DISC1: variants seen among roughly 807,000 people sequenced by gnomAD.
The protein encoded by DISC1 is DISC1 scaffold protein.
In DISC1, 57 loss-of-function variants were observed where a neutral mutation model predicts 84.5. That is an observed-to-expected ratio of 0.67 (90% CI 0.55 to 0.84). The LOEUF (loss-of-function observed/expected upper bound fraction) is 0.84. Among genes scored for constraint, DISC1 ranks in the 40% least tolerant of loss-of-function variants. The pLI is 0.00. For synonymous variants in DISC1, 411 were observed against 415.2 expected (o/e 0.99, Z 0.12); for missense variants, 1,000 against 1,057.8 (o/e 0.95, Z 0.76).
chr1:231,908,696 G>A (rs576681190), intron 9 of DISC1, among the ~76,000 whole-genome samples: 224 of 152,222 alleles, frequency 1.5e-3, no homozygotes, highest in African/African-American at 4.7e-3. Context: ...GTTTTTTCCA[G>A]TTCTGTGAAG....
At chr1:231,779,699 A>T (rs1347312280) in intron 6 of DISC1, among the ~76,000 whole-genome samples, 1 of 151,848 alleles carries the variant, frequency 6.6e-6, no homozygotes, top group Non-Finnish European at 1.5e-5. Flanking sequence ...AGCTGGGACT[A>T]CAGGCACCGG....
chr1:231,972,900 G>A (rs1355667686), intron 10 of DISC1, among the ~76,000 whole-genome samples: 1 of 152,156 alleles, frequency 6.6e-6, no homozygotes, highest in African/African-American at 2.4e-5. Context: ...TACCTATAGG[G>A]TACACGGGCC....
chr1:231,698,669 A>T lies in DISC1; in HGVS notation c.1048-3286A>T, dbSNP rs1015119878. Among the ~76,000 whole-genome samples the T allele has an allele frequency of 6.6e-6, 1 of 151,876 alleles. No homozygotes were observed. The highest frequency in any genetic ancestry group is 1.9e-4 in the East Asian group (1 of 5,188). On this transcript the variant is annotated intron_variant, in intron 2 of 12. Coordinates refer to ENST00000439617, the MANE Select transcript of DISC1 (RefSeq NM_018662.3). This position sits in a 1 kb window ranked among gnomAD's most constrained non-coding sequence, Gnocchi z 4.9. ...TGGGGTGGGCTTTGGCTGTAAATGA[A>T]TTTTTTTCCTGACCTTGTTTCCTGC...
intron 9 of DISC1, among the ~76,000 whole-genome samples, chr1:231,913,077 T>C (rs2089373978): frequency 1.3e-5 from 2 of 151,900 alleles, no homozygotes; most frequent in South Asian, 4.2e-4. Flanking sequence ...CCAGCTAATT[T>C]TTTACAGTAT....
At chr1:231,984,744 G>A (rs868175287) in intron 10 of DISC1, among the ~76,000 whole-genome samples, 10 of 152,130 alleles carry the variant, frequency 6.6e-5, no homozygotes, top group African/African-American at 1.9e-4. Context: ...TTCTGCCCAA[G>A]GGGGAAGTCA....
chr1:231,955,577 C>T (rs541505799), intron 9 of DISC1, among the ~76,000 whole-genome samples: 9 of 151,732 alleles, frequency 5.9e-5, no homozygotes, highest in Non-Finnish European at 8.8e-5. Flanking sequence ...GCAACCTCCG[C>T]CTCCCACGTT....
intron 10 of DISC1, among the ~76,000 whole-genome samples, chr1:231,991,651 C>G (rs1041964470): frequency 6.6e-6 from 1 of 152,000 alleles, no homozygotes; most frequent in Non-Finnish European, 1.5e-5. Context: ...CATGCTTTGG[C>G]AGAATTACAA....
intron 4 of DISC1, among the ~76,000 whole-genome samples, chr1:231,762,509 GTTTTGTTTTTTT>G (rs955162688): frequency 1.7e-4 from 9 of 52,556 alleles, no homozygotes; most frequent in African/African-American, 4.7e-4. Flanking sequence ...TTTTAGTTTT[GTTTTGTTTTTTT>G]TTTTTTTTTG....
At position 231,770,837 on chromosome 1, in the gene DISC1, A is replaced by G. The variant is rs367543090; in HGVS notation, c.1401A>G (p.Lys467=). Residue 467 remains lysine (K), a splice_region_variant and synonymous_variant, in exon 6 of 13, where the codon AAA becomes AAG. Coordinates refer to ENST00000439617, the MANE Select transcript of DISC1 (RefSeq NM_018662.3). The part of the protein sequence containing the change: ...WLLQEKQQLQ[K]EIEALQARMF... ...TCTTGTCTCCTCATTCTCTACAGAAAGAAATCGAAGCTCTCCAAGCAAGGA... is the reference window on the plus strand; with the variant it reads ...TCTTGTCTCCTCATTCTCTACAGAAGGAAATCGAAGCTCTCCAAGCAAGGA... 12 of 1,614,024 alleles carry G rather than the reference A, an allele frequency of 7.4e-6. No individual in the cohort carries two copies. Among genetic ancestry groups the G allele is most frequent in the Non-Finnish European group, 9.3e-6 (11 of 1,179,948 alleles).
chr1:231,662,665 C>T (rs998561300), intron 1 of DISC1, among the ~76,000 whole-genome samples: 2 of 152,248 alleles, frequency 1.3e-5, no homozygotes, highest in Non-Finnish European at 2.9e-5. Context: ...CCTGGAAACT[C>T]GGACCTATCT....
At chr1:231,688,464 G>A (rs200880279) in intron 1 of DISC1, among the ~76,000 whole-genome samples, 68 of 152,274 alleles carry the variant, frequency 4.5e-4, no homozygotes, top group African/African-American at 1.5e-3. Flanking sequence ...TTTGTTTCTG[G>A]TAGAAATTAA....
chr1:231,872,537 C>G (rs749657765), intron 9 of DISC1, among the ~76,000 whole-genome samples: 5 of 152,110 alleles, frequency 3.3e-5, no homozygotes, highest in South Asian at 4.1e-4. Context: ...TTGGAAAATG[C>G]CTTTCTAGGG....
chr1:231,974,969 A>G (rs1471163410), intron 10 of DISC1, among the ~76,000 whole-genome samples: 1 of 152,012 alleles, frequency 6.6e-6, no homozygotes, highest in Non-Finnish European at 1.5e-5. Context: ...GCGTGGTGGC[A>G]CATGCCTGTA....
intron 9 of DISC1, among the ~76,000 whole-genome samples, chr1:231,924,955 C>CT (rs370177238): frequency 2.1e-3 from 293 of 139,308 alleles, no homozygotes; most frequent in South Asian, 4.6e-3. Context: ...TGCGCCCGGC[C>CT]TTTTTTTTTT....
At chr1:231,877,796 A>C (rs1265390915) in intron 9 of DISC1, among the ~76,000 whole-genome samples, 1 of 152,240 alleles carries the variant, frequency 6.6e-6, no homozygotes, top group Non-Finnish European at 1.5e-5. Flanking sequence ...AAAAAACACA[A>C]CTGAAGAATA....
chr1:231,943,295 A>G (rs763128325), intron 9 of DISC1, among the ~76,000 whole-genome samples: 4 of 152,284 alleles, frequency 2.6e-5, no homozygotes, highest in Non-Finnish European at 4.4e-5. Flanking sequence ...GCCAGGCCAC[A>G]TGGCGATGCA....
rs1244362543 is a variant in DISC1, at chr1:231,897,201, A to T, written c.1982-61627A>T. Among the ~76,000 whole-genome samples, 1 of 152,204 alleles carries T rather than the reference A, an allele frequency of 6.6e-6. No individual in the cohort carries two copies. The highest frequency in any genetic ancestry group is 1.9e-4 in the East Asian group (1 of 5,188). On this transcript the variant is annotated intron_variant, in intron 9 of 12. Coordinates refer to ENST00000439617, the MANE Select transcript of DISC1 (RefSeq NM_018662.3). This position sits in a 1 kb window ranked among gnomAD's most constrained non-coding sequence, Gnocchi z 4.5. ...ACAGACAGAGGCTGTAGGGCTGAGC[A>T]CTTGAAACAGAGGGAGGACATATTG...
rs201947540 is a variant in DISC1, at chr1:231,885,312, A to C, written c.1981+66795A>C. 1.3e-3 allele frequency among the ~76,000 whole-genome samples: 198 copies of C among 152,272 alleles called. No individual in the cohort carries two copies. The South Asian group carries it at 0.016, about 12-fold the overall frequency. ...TAATTGGATTTTCTGTCTTGCCCCT[A>C]GTGTCTGACCCTCTGTTATTATGAC... On this transcript the variant is annotated intron_variant, in intron 9 of 12. Transcript: ENST00000439617.
intron 9 of DISC1, among the ~76,000 whole-genome samples, chr1:231,856,986 C>T (rs1359249537): frequency 6.6e-6 from 1 of 152,176 alleles, no homozygotes; most frequent in East Asian, 1.9e-4. Flanking sequence ...ACATCCACAG[C>T]GAGGTGCTCA....
Sources: gnomAD v4.1 joint callset for allele counts (sites outside exome capture counted in the v4.1 genomes callset) on GRCh38, gnomAD v4.1.1 for gene constraint, Gnocchi (gnomAD v3.1) non-coding constraint, MANE v1.5 for transcripts, NCBI Gene and HGNC (gene_info 2026-07-23, HGNC 2026-07-21) for gene names.